PHACTR4: variants seen among roughly 807,000 people sequenced by gnomAD.
PHACTR4 encodes protein phosphatase 1, regulatory subunit 124.
Under a neutral mutation model 72.7 loss-of-function variants are expected in PHACTR4, and 51 were observed. The ratio of observed to expected loss-of-function variants is 0.70; its 90% confidence interval spans 0.56 to 0.89. PHACTR4 has a LOEUF of 0.89. PHACTR4 is among the 40% of genes least tolerant of loss of function. PHACTR4 has a pLI of 0.00. For missense variants in PHACTR4, 731 were observed against 861.8 expected (o/e 0.85, Z 1.90); for synonymous variants, 255 against 302.5 (o/e 0.84, Z 1.63).
In PHACTR4 at chr1:28,459,327, C is replaced by T. The variant is rs74064849; in HGVS notation, c.190+69C>T. The T allele has an allele frequency of 6.7e-3, 9,248 of 1,370,278 alleles. 513 individuals carry two copies. In the African/African-American group the frequency reaches 0.12, roughly 18 times the overall value. 84.9% of individuals were successfully genotyped at this position (1,370,278 alleles called of 1,614,324 possible). A position where few individuals can be genotyped will look rare whatever the true frequency, so the allele number is the denominator to read the frequency against. ...CTATGTTAGATGTATTTAATTTTTC[C>T]TTATCTTCCCAAGTTTCTGTAGTCC... On this transcript the variant is annotated intron_variant, in intron 3 of 13. Coordinates refer to ENST00000373839, the MANE Select transcript of PHACTR4 (RefSeq NM_001048183.3).
chr1:28,382,461 G>A (rs1279778347), intron 1 of PHACTR4, among the ~76,000 whole-genome samples: 2 of 151,770 alleles, frequency 1.3e-5, no homozygotes, highest in African/African-American at 2.4e-5. Context: ...ATGCCACCAC[G>A]CCTGGCTAAT....
At chr1:28,474,825 G>A (rs1054520935) in intron 7 of PHACTR4, among the ~76,000 whole-genome samples, 11 of 152,062 alleles carry the variant, frequency 7.2e-5, no homozygotes, top group African/African-American at 2.7e-4. Flanking sequence ...TTGCAAGTGT[G>A]AGCCACCGCG....
chr1:28,471,853 G>A (rs1052516769), intron 6 of PHACTR4, among the ~76,000 whole-genome samples: 2 of 152,116 alleles, frequency 1.3e-5, no homozygotes, highest in Non-Finnish European at 2.9e-5. Context: ...CCATGATATA[G>A]TGGAGAGTGA....
intron 1 of PHACTR4, among the ~76,000 whole-genome samples, chr1:28,374,432 G>C (rs866143168): frequency 6.6e-6 from 1 of 152,276 alleles, no homozygotes. Flanking sequence ...GTTAGTACAT[G>C]CCATGAATGT....
intron 2 of PHACTR4, among the ~76,000 whole-genome samples, chr1:28,454,270 CTTTTTTTTTTTT>C (rs945039969): frequency 2.1e-5 from 2 of 95,084 alleles, no homozygotes; most frequent in African/African-American, 4.4e-5. Flanking sequence ...ATCACTTTGT[CTTTTTTTTTTTT>C]TTTTTTTTTT....
intron 13 of PHACTR4, among the ~76,000 whole-genome samples, chr1:28,494,813 T>G (rs1173716878): frequency 6.6e-6 from 1 of 152,224 alleles, no homozygotes; most frequent in Admixed American, 6.5e-5. Context: ...ATGCTTTGAC[T>G]GTTATGCTAG....
chr1:28,417,863 A>T (rs1655202612), intron 2 of PHACTR4, among the ~76,000 whole-genome samples: 1 of 151,716 alleles, frequency 6.6e-6, no homozygotes, highest in Admixed American at 6.6e-5. Flanking sequence ...CATGCCTCTA[A>T]TCTCAGTCCT....
rs1346202431 is a variant in PHACTR4, at chr1:28,500,031, T to C, written c.*3482T>C. 1.3e-5 allele frequency: 2 copies of C among 152,212 alleles called. No homozygotes were observed. Among genetic ancestry groups the C allele is most frequent in the African/African-American group, 4.8e-5 (2 of 41,454 alleles). The allele number at this position is 152,212 out of a possible 1,614,324, so 9.4% of individuals were successfully genotyped here. On this transcript the variant is annotated 3_prime_UTR_variant, in exon 14 of 14. Transcript: ENST00000373839. ...AACAGGATTTGATTTCCTGAGCTAC[T>C]TGTTCGCCTTCTGTGCGTCACCAAG...
chr1:28,487,441 G>A (rs1660727958), intron 9 of PHACTR4, among the ~76,000 whole-genome samples: 1 of 150,324 alleles, frequency 6.7e-6, no homozygotes, highest in Non-Finnish European at 1.5e-5. Context: ...TTTGAGCCTA[G>A]GAGGTGGAGC....
intron 13 of PHACTR4, among the ~76,000 whole-genome samples, chr1:28,495,844 T>C (rs1661314797): frequency 6.6e-6 from 1 of 151,898 alleles, no homozygotes; most frequent in African/African-American, 2.4e-5. Context: ...CTCAAACTCC[T>C]GGTCTCAAAT....
At chr1:28,482,155 A>T (rs557058281) in intron 9 of PHACTR4, among the ~76,000 whole-genome samples, 1 of 151,964 alleles carries the variant, frequency 6.6e-6, no homozygotes, top group Non-Finnish European at 1.5e-5. Flanking sequence ...CCTTCGACTC[A>T]CAAAGTGCTG....
At chr1:28,448,774 A>C (rs1457994318) in intron 2 of PHACTR4, among the ~76,000 whole-genome samples, 1 of 145,526 alleles carries the variant, frequency 6.9e-6, no homozygotes, top group Non-Finnish European at 1.5e-5. Flanking sequence ...AAAAAAAAAA[A>C]AAAAAAAAAA....
intron 1 of PHACTR4, among the ~76,000 whole-genome samples, chr1:28,382,088 G>A (rs2124148358): frequency 6.6e-6 from 1 of 152,052 alleles, no homozygotes; most frequent in East Asian, 1.9e-4. Context: ...TCTTTAATGG[G>A]GTTGTTTAGT....
At chr1:28,443,263 G>GTCTTCCTTTCCTTCTT (rs1557817164) in intron 2 of PHACTR4, among the ~76,000 whole-genome samples, 1 of 150,982 alleles carries the variant, frequency 6.6e-6, no homozygotes, top group Non-Finnish European at 1.5e-5. Flanking sequence ...GGATTTCATT[G>GTCTTCCTTTCCTTCTT]TCTTTCTTTC....
chr1:28,443,712 T>C (rs34157354), intron 2 of PHACTR4, among the ~76,000 whole-genome samples: 58,592 of 151,904 alleles, frequency 0.39, 13,007 homozygotes, highest in African/African-American at 0.6. Context: ...GCCTCAGCCT[T>C]CCAAAGTGCT....
chr1:28,451,452 G>T (rs1007248118), intron 2 of PHACTR4, among the ~76,000 whole-genome samples: 2 of 151,616 alleles, frequency 1.3e-5, no homozygotes, highest in Non-Finnish European at 2.9e-5. Flanking sequence ...GAGTGCAGTG[G>T]CTATTCACAG....
intron 2 of PHACTR4, among the ~76,000 whole-genome samples, chr1:28,429,049 G>A (rs899129987): frequency 2.0e-5 from 3 of 152,182 alleles, no homozygotes; most frequent in Non-Finnish European, 4.4e-5. Context: ...GAGTTACAGC[G>A]TTTGATGTAG....
intron 1 of PHACTR4, among the ~76,000 whole-genome samples, chr1:28,397,698 T>C (rs4908422): frequency 0.015 from 2,133 of 144,102 alleles, 142 homozygotes; most frequent in Admixed American, 0.12. Flanking sequence ...AAAAAAATAA[T>C]TTTTGCTTTT....
chr1:28,448,479 G>T (rs1021174397), intron 2 of PHACTR4, among the ~76,000 whole-genome samples: 1 of 151,248 alleles, frequency 6.6e-6, no homozygotes, highest in Non-Finnish European at 1.5e-5. Flanking sequence ...GTGGCCGGGC[G>T]CTGTGTCTTA....
Sources: allele counts gnomAD v4.1 joint callset (sites outside exome capture counted in the v4.1 genomes callset), GRCh38; gene constraint gnomAD v4.1.1; transcripts MANE v1.5; gene names NCBI Gene and HGNC (gene_info 2026-07-23, HGNC 2026-07-21).